Variants in TOX observed in about 807,000 individuals in gnomAD.
The protein encoded by TOX is thymocyte selection associated high mobility group box.
In TOX, 11 loss-of-function variants were observed where a neutral mutation model predicts 53.7. The ratio of observed to expected loss-of-function variants is 0.20; its 90% CI spans 0.13 to 0.34. The LOEUF is 0.34. TOX is among the 10% of genes least tolerant of loss of function. TOX has a pLI of 1.00. For missense variants in TOX, 570 were observed against 664.6 expected (o/e 0.86, Z 1.56); for synonymous variants, 225 against 245.3 (o/e 0.92, Z 0.77).
chr8:58,809,296 A>C (rs904668808), intron 7 of TOX, among the ~76,000 whole-genome samples: 1 of 152,198 alleles, frequency 6.6e-6, no homozygotes, highest in African/African-American at 2.4e-5. Flanking sequence ...TGAAGCCATA[A>C]TATTGTTGAA....
At chr8:58,954,907 T>C (rs1328534654) in intron 2 of TOX, among the ~76,000 whole-genome samples, 1 of 151,968 alleles carries the variant, frequency 6.6e-6, no homozygotes, top group Middle Eastern at 3.2e-3. Context: ...GAGAAGATAG[T>C]GGGTGAGGAA....
At chr8:58,841,910 C>T (rs1277767409) in intron 4 of TOX, among the ~76,000 whole-genome samples, 2 of 152,162 alleles carry the variant, frequency 1.3e-5, no homozygotes, top group Non-Finnish European at 1.5e-5. Flanking sequence ...ATTACCTAGA[C>T]TCATTTTAAA....
intron 5 of TOX, among the ~76,000 whole-genome samples, chr8:58,837,623 TG>T (rs1232617840): frequency 6.6e-6 from 1 of 152,208 alleles, no homozygotes; most frequent in Non-Finnish European, 1.5e-5. Flanking sequence ...TAACAGCCCC[TG>T]GCGGTCTTTA....
At chr8:58,870,031 C>T (rs561049466) in intron 3 of TOX, among the ~76,000 whole-genome samples, 1 of 152,174 alleles carries the variant, frequency 6.6e-6, no homozygotes, top group East Asian at 1.9e-4. Context: ...AGGATGTCCC[C>T]TTTCACTACT....
At chr8:58,830,301 T>A (rs1231005098) in intron 5 of TOX, among the ~76,000 whole-genome samples, 1 of 152,118 alleles carries the variant, frequency 6.6e-6, no homozygotes, top group Admixed American at 6.6e-5. Flanking sequence ...AGCTACCATA[T>A]CCCATCTAAG....
intron 6 of TOX, among the ~76,000 whole-genome samples, chr8:58,822,142 C>G (rs1810291864): frequency 4.6e-5 from 7 of 152,192 alleles, no homozygotes; most frequent in Admixed American, 4.6e-4. Context: ...TTAGCAATGT[C>G]CCCTGTTCAG....
chr8:59,067,603 C>T (rs1286340479), intron 1 of TOX, among the ~76,000 whole-genome samples: 1 of 151,894 alleles, frequency 6.6e-6, no homozygotes, highest in Non-Finnish European at 1.5e-5. Flanking sequence ...TAATAACAAA[C>T]ATAGCACATT....
chr8:59,084,492 C>T (rs563907978), intron 1 of TOX, among the ~76,000 whole-genome samples: 18 of 152,218 alleles, frequency 1.2e-4, no homozygotes, highest in East Asian at 7.7e-4. Context: ...ACTAATAATT[C>T]GTAGGTAATA....
rs1275278112 is a variant in TOX, at chr8:58,851,185, T to TCTCTCACA, written c.693+338_693+339insTGTGAGAG. Reference sequence around the variant, plus strand: ...CTCTCTCTCTCTCTCTCTCTCTCTCTCACACACACACACACACACACACAC... The same window carrying TCTCTCACA: ...CTCTCTCTCTCTCTCTCTCTCTCTCTCTCTCACACACACACACACACACACACACACAC... On this transcript the variant is annotated intron_variant, in intron 4 of 8. Coordinates refer to ENST00000361421, the MANE Select transcript of TOX (RefSeq NM_014729.3). This position sits in a 1 kb window ranked among gnomAD's most constrained non-coding sequence, Gnocchi z 4.4. 6.4e-5 allele frequency among the ~76,000 whole-genome samples: 9 copies of TCTCTCACA among 140,838 alleles called. No individual in the cohort carries two copies. The highest frequency in any genetic ancestry group is 2.5e-4 in the African/African-American group (9 of 36,484). The allele number at this position is 140,838 out of a possible 152,430, so 92.4% of individuals were successfully genotyped here.
intron 1 of TOX, among the ~76,000 whole-genome samples, chr8:59,046,701 T>C (rs1405731122): frequency 1.3e-5 from 2 of 151,138 alleles, no homozygotes; most frequent in Admixed American, 6.6e-5. Context: ...CTACTAAAAA[T>C]ACAAAAATTA....
At chr8:58,908,812 G>C (rs1015891342) in intron 3 of TOX, among the ~76,000 whole-genome samples, 7 of 152,172 alleles carry the variant, frequency 4.6e-5, no homozygotes, top group Non-Finnish European at 8.8e-5. Flanking sequence ...GAGTTCTCTG[G>C]TCTCAATCTG....
intron 1 of TOX, among the ~76,000 whole-genome samples, chr8:58,982,935 C>T (rs1418228478): frequency 6.6e-6 from 1 of 152,140 alleles, no homozygotes; most frequent in African/African-American, 2.4e-5. Context: ...GTGACATCAC[C>T]ATTCCCTCCT....
intron 1 of TOX, among the ~76,000 whole-genome samples, chr8:58,970,226 A>G (rs1194439975): frequency 6.6e-6 from 1 of 152,100 alleles, no homozygotes; most frequent in Admixed American, 6.6e-5. Flanking sequence ...AGTTTTAAAT[A>G]TTTCCGACAT....
chr8:59,095,979 C>T (rs1037689719), intron 1 of TOX, among the ~76,000 whole-genome samples: 4 of 152,168 alleles, frequency 2.6e-5, no homozygotes, highest in African/African-American at 9.7e-5. Context: ...CTTTCTGAAC[C>T]TCAGTTTCCT....
At chr8:58,977,882 G>C (rs1813133196) in intron 1 of TOX, among the ~76,000 whole-genome samples, 1 of 152,166 alleles carries the variant, frequency 6.6e-6, no homozygotes, top group Non-Finnish European at 1.5e-5. Context: ...TACCATGACA[G>C]ATATAATAAT....
chr8:59,057,209 G>C (rs1803902428), intron 1 of TOX, among the ~76,000 whole-genome samples: 1 of 151,960 alleles, frequency 6.6e-6, no homozygotes, highest in South Asian at 2.1e-4. Context: ...ATATGATTCA[G>C]GGAAAATATT....
chr8:59,067,118 G>T (rs891975385), intron 1 of TOX, among the ~76,000 whole-genome samples: 1 of 152,058 alleles, frequency 6.6e-6, no homozygotes, highest in South Asian at 2.1e-4. Context: ...AAATCCAGAA[G>T]GGGGGCCGGG....
chr8:59,046,970 T>C (rs1803696391), intron 1 of TOX, among the ~76,000 whole-genome samples: 1 of 151,934 alleles, frequency 6.6e-6, no homozygotes, highest in South Asian at 2.1e-4. Context: ...TGACATGTTT[T>C]AAAAACTGCA....
At chr8:58,998,014 G>A (rs942301318) in intron 1 of TOX, among the ~76,000 whole-genome samples, 11 of 151,898 alleles carry the variant, frequency 7.2e-5, no homozygotes, top group African/African-American at 9.7e-5. Context: ...GGATGGTCTC[G>A]ATCTCCTGAC....
Sources: gnomAD v4.1 joint callset for allele counts (sites outside exome capture counted in the v4.1 genomes callset) on GRCh38, gnomAD v4.1.1 for gene constraint, Gnocchi (gnomAD v3.1) non-coding constraint, MANE v1.5 for transcripts, NCBI Gene and HGNC (gene_info 2026-07-23, HGNC 2026-07-21) for gene names.